The following PAK5 variants were observed in gnomAD, a reference collection of about 807,000 sequenced individuals.
PAK5 encodes serine/threonine-protein kinase PAK 5.
PAK5 carries 16 observed loss-of-function variants against 65.9 expected under a neutral mutation model. The ratio of observed to expected loss-of-function variants is 0.24; its 90% CI spans 0.16 to 0.37. PAK5 has a LOEUF of 0.37. Among genes scored for constraint, PAK5 ranks in the 10% least tolerant of loss-of-function variants. The pLI is 1.00. For synonymous variants in PAK5, 371 were observed against 354.9 expected, an observed-to-expected ratio of 1.05 and a Z score of -0.51; for missense variants, 785 against 903.9, an observed-to-expected ratio of 0.87 and a Z score of 1.69.
intron 1 of PAK5, among the ~76,000 whole-genome samples, chr20:9,727,625 G>C (rs540046570): frequency 6.7e-6 from 1 of 149,418 alleles, no homozygotes; most frequent in Admixed American, 6.8e-5. Flanking sequence ...CAGTCAAGGA[G>C]AGCTGTCCCT....
chr20:9,795,219 T>C (rs2049092134), intron 1 of PAK5, among the ~76,000 whole-genome samples: 1 of 152,096 alleles, frequency 6.6e-6, no homozygotes, highest in South Asian at 2.1e-4. Context: ...TGGAAACAAC[T>C]ACCTATTTAT....
intron 2 of PAK5, among the ~76,000 whole-genome samples, chr20:9,702,748 G>C (rs1376745744): frequency 1.3e-5 from 2 of 152,084 alleles, no homozygotes; most frequent in African/African-American, 2.4e-5. Context: ...GATCCCTGTG[G>C]CTCAAGGCAC....
intron 2 of PAK5, among the ~76,000 whole-genome samples, chr20:9,688,531 T>C (rs1028773521): frequency 1.3e-5 from 2 of 151,950 alleles, no homozygotes; most frequent in African/African-American, 2.4e-5. Flanking sequence ...TGCTTGGGGC[T>C]TCTTTCCTGC....
chr20:9,593,569 C>T (rs1223500880), intron 3 of PAK5, among the ~76,000 whole-genome samples: 1 of 152,196 alleles, frequency 6.6e-6, no homozygotes, highest in Admixed American at 6.5e-5. Context: ...TCTCCCTCCT[C>T]TTGACCCCCA....
intron 1 of PAK5, among the ~76,000 whole-genome samples, chr20:9,766,423 A>G (rs1236136913): frequency 1.2e-5 from 1 of 83,024 alleles, no homozygotes; most frequent in East Asian, 3.7e-4. Context: ...ATATGTATAT[A>G]TATATTCAAG....
At chr20:9,723,281 T>C (rs1230723065) in intron 1 of PAK5, among the ~76,000 whole-genome samples, 1 of 152,126 alleles carries the variant, frequency 6.6e-6, no homozygotes, top group East Asian at 1.9e-4. Flanking sequence ...GAGACGTGGT[T>C]CAATTCTAGA....
rs201731869 is a variant in PAK5, at chr20:9,542,637, C to T, written c.1953G>A (p.Ala651=). Residue 651 remains alanine, a synonymous_variant, in exon 9 of 10, where the codon GCG becomes GCA. Transcript: ENST00000353224. ...PPYFNEPPLQ[A]MRRIRDSLPP... ...GTAAACTGTCCCGGATCCTCCGCAT[C>T]GCCTGGAGGGGAGGCTCATTGAAGT... is the stretch of plus-strand genomic sequence containing the variant. 1.5e-5 allele frequency: 25 copies of T among 1,613,610 alleles called. No individual in the cohort carries two copies. The highest frequency in any genetic ancestry group is 1.7e-4 in the Middle Eastern group (1 of 6,058).
At chr20:9,622,944 A>G (rs544607791) in intron 3 of PAK5, among the ~76,000 whole-genome samples, 2 of 152,338 alleles carry the variant, frequency 1.3e-5, no homozygotes, top group South Asian at 2.1e-4. Flanking sequence ...TTCTGAATGG[A>G]TAAGTAAGAC....
chr20:9,651,820 C>T lies in PAK5; in HGVS notation c.-11-7481G>A, dbSNP rs1430637857. The stretch of plus-strand genomic sequence containing the variant: ...TATTAGAAAATCCTTTTGTCCATAT[C>T]CCCCCTCAAAATCTCAAATTGTAAT... On this transcript the variant is annotated intron_variant, in intron 2 of 9. Transcript: ENST00000353224. Among the ~76,000 whole-genome samples, 3 of 152,196 alleles carry T rather than the reference C, an allele frequency of 2.0e-5. No homozygotes were observed. In the East Asian group the frequency reaches 5.8e-4, roughly 29 times the overall value.
chr20:9,696,351 G>A (rs1045827605), intron 2 of PAK5, among the ~76,000 whole-genome samples: 5 of 152,034 alleles, frequency 3.3e-5, no homozygotes, highest in African/African-American at 1.2e-4. Flanking sequence ...GTGTTTCTGT[G>A]ATTCTCATGT....
At chr20:9,773,586 A>G (rs2048856774) in intron 1 of PAK5, among the ~76,000 whole-genome samples, 1 of 152,176 alleles carries the variant, frequency 6.6e-6, no homozygotes, top group Non-Finnish European at 1.5e-5. Flanking sequence ...TGATGTGGCT[A>G]GGAAGTATAT....
intron 1 of PAK5, among the ~76,000 whole-genome samples, chr20:9,786,154 T>C (rs1345704189): frequency 6.6e-6 from 1 of 152,100 alleles, no homozygotes; most frequent in African/African-American, 2.4e-5. Flanking sequence ...TTAAGGGGTA[T>C]ATTCATTGAG....
intron 2 of PAK5, among the ~76,000 whole-genome samples, chr20:9,659,413 G>A (rs1434792775): frequency 6.6e-6 from 1 of 152,140 alleles, no homozygotes; most frequent in Non-Finnish European, 1.5e-5. Context: ...CTCCTGGTGA[G>A]ACTATGGGCT....
intron 2 of PAK5, among the ~76,000 whole-genome samples, chr20:9,646,125 C>T (rs1020896675): frequency 2.6e-5 from 4 of 152,316 alleles, no homozygotes; most frequent in African/African-American, 9.6e-5. Flanking sequence ...ATAGCATGTG[C>T]GGTTGGAGCT....
At chr20:9,685,419 T>C (rs1320750707) in intron 2 of PAK5, among the ~76,000 whole-genome samples, 1 of 152,158 alleles carries the variant, frequency 6.6e-6, no homozygotes, top group Non-Finnish European at 1.5e-5. Context: ...AAGGAAAATA[T>C]GGACACGGAT....
chr20:9,729,713 A>T (rs2048314669), intron 1 of PAK5, among the ~76,000 whole-genome samples: 1 of 152,214 alleles, frequency 6.6e-6, no homozygotes, highest in Admixed American at 6.5e-5. Context: ...GAAAGAACTC[A>T]TATATCTATC....
rs56706449 is a variant in PAK5 at position 9,734,552 on chromosome 20, G to GCACACACACACACA, written c.-161-23131_-161-23118dup. Among the ~76,000 whole-genome samples the GCACACACACACACA allele has an allele frequency of 7.2e-3, 1,073 of 149,448 alleles. 6 individuals carry two copies. Among genetic ancestry groups the GCACACACACACACA allele is most frequent in the South Asian group, 0.03 (138 of 4,670 alleles). Reference sequence around the variant, plus strand: ...GACTGATAGACACACACGCGCACATGCACACACACACACACACACACATAC... The same window carrying GCACACACACACACA: ...GACTGATAGACACACACGCGCACATGCACACACACACACACACACACACACACACACACACATAC... On this transcript the variant is annotated intron_variant, in intron 1 of 9. Transcript: ENST00000353224.
chr20:9,554,042 T>C (rs1381991057), intron 7 of PAK5, among the ~76,000 whole-genome samples: 1 of 152,204 alleles, frequency 6.6e-6, no homozygotes, highest in Non-Finnish European at 1.5e-5. Flanking sequence ...TGATAGCTCA[T>C]TGTAGTTTTA....
intron 3 of PAK5, among the ~76,000 whole-genome samples, chr20:9,584,518 G>A (rs1452561624): frequency 6.6e-6 from 1 of 152,022 alleles, no homozygotes; most frequent in East Asian, 1.9e-4. Context: ...TCACCATGTT[G>A]GTCAGGCTGG....
Sources: allele counts gnomAD v4.1 joint callset (sites outside exome capture counted in the v4.1 genomes callset), GRCh38; gene constraint gnomAD v4.1.1; transcripts MANE v1.5; gene names NCBI Gene and HGNC (gene_info 2026-07-23, HGNC 2026-07-21).